The following LPP variants were observed in gnomAD, a reference collection of about 807,000 sequenced individuals.
LPP encodes lipoma-preferred partner.
A neutral mutation model predicts 60.4 loss-of-function variants in LPP; 38 were observed. The ratio of observed to expected loss-of-function variants is 0.63; its 90% CI spans 0.49 to 0.83. LPP has a LOEUF of 0.83. LPP is among the 40% of genes least tolerant of loss of function. The pLI is 0.00. For synonymous variants in LPP, 328 were observed against 290.8 expected, an observed-to-expected ratio of 1.13 and a Z score of -1.30; for missense variants, 902 against 783.6, an observed-to-expected ratio of 1.15 and a Z score of -1.80.
Position 188,651,614 on chromosome 3 carries a change from C to G in LPP, c.1113+41770C>G, listed in dbSNP as rs551491422. On this transcript the variant is annotated intron_variant, in intron 7 of 11. Coordinates refer to ENST00000617246, the MANE Select transcript of LPP (RefSeq NM_001375462.1). ...TGGTTCCACATGGCTGGGGAGGTCTCACAGTCATGGCAGAAGGTGAAAAGC... is the reference window on the plus strand; with the variant it reads ...TGGTTCCACATGGCTGGGGAGGTCTGACAGTCATGGCAGAAGGTGAAAAGC... Among the ~76,000 whole-genome samples, 243 of 152,276 alleles carry G rather than the reference C, an allele frequency of 1.6e-3. 1 individual carries two copies. Among genetic ancestry groups the G allele is most frequent in the African/African-American group, 5.6e-3 (232 of 41,556 alleles).
Position 188,878,107 on chromosome 3 carries a change from A to T in LPP, c.*3628A>T. 1 of 221,330 alleles carries T rather than the reference A, an allele frequency of 4.5e-6. No individual in the cohort carries two copies. The highest frequency in any genetic ancestry group is 9.1e-6 in the Non-Finnish European group (1 of 110,310). 13.7% of individuals were successfully genotyped at this position (221,330 alleles called of 1,614,324 possible). A position where few individuals can be genotyped will look rare whatever the true frequency, so the allele number is the denominator to read the frequency against. On this transcript the variant is annotated 3_prime_UTR_variant, in exon 12 of 12. Coordinates refer to ENST00000617246, the MANE Select transcript of LPP (RefSeq NM_001375462.1). Reference sequence around the variant, plus strand: ...ATAGTAGAGAGTTAGTGGAATATAGACAGGACTCTGAAAACACAACTTCCA... The same window carrying T: ...ATAGTAGAGAGTTAGTGGAATATAGTCAGGACTCTGAAAACACAACTTCCA...
chr3:188,242,218 C>G (rs2149478479), intron 2 of LPP, among the ~76,000 whole-genome samples: 1 of 152,258 alleles, frequency 6.6e-6, no homozygotes, highest in South Asian at 2.1e-4. Flanking sequence ...TTTAGCATGG[C>G]TAATGGCTAA....
intron 2 of LPP, among the ~76,000 whole-genome samples, chr3:188,288,612 A>T (rs897987409): frequency 2.0e-4 from 30 of 151,642 alleles, no homozygotes; most frequent in African/African-American, 6.8e-4. Flanking sequence ...AGATCTGTGT[A>T]TCTACACCTG....
rs1769716089 is a variant in LPP at position 188,879,803 on chromosome 3, T to C, written c.*5324T>C. The C allele has an allele frequency of 5.5e-6, 1 of 180,840 alleles. No individual in the cohort carries two copies. The highest frequency in any genetic ancestry group is 1.2e-5 in the Non-Finnish European group (1 of 84,550). 11.2% of individuals were successfully genotyped at this position (180,840 alleles called of 1,614,324 possible). Reference sequence around the variant, plus strand: ...AGCCTGTAAGACTAATAATATATTGTAATAGTTGATACTAAAATATTTTTC... The same window carrying C: ...AGCCTGTAAGACTAATAATATATTGCAATAGTTGATACTAAAATATTTTTC... On this transcript the variant is annotated 3_prime_UTR_variant, in exon 12 of 12. Coordinates refer to ENST00000617246, the MANE Select transcript of LPP (RefSeq NM_001375462.1).
At chr3:188,472,186 T>A (rs536216124) in intron 4 of LPP, among the ~76,000 whole-genome samples, 53 of 152,320 alleles carry the variant, frequency 3.5e-4, no homozygotes, top group South Asian at 6.2e-4. Flanking sequence ...ATTGGCCCTT[T>A]TAATTAGAGT....
chr3:188,232,438 A>T (rs1720356781), intron 2 of LPP, among the ~76,000 whole-genome samples: 1 of 151,544 alleles, frequency 6.6e-6, no homozygotes, highest in Admixed American at 6.6e-5. Flanking sequence ...TCCAAGGTTC[A>T]AGCGATTCTC....
At chr3:188,304,978 A>C (rs1751055497) in intron 2 of LPP, among the ~76,000 whole-genome samples, 1 of 152,220 alleles carries the variant, frequency 6.6e-6, no homozygotes. Context: ...GACCACTTAA[A>C]ATAAAGATAA....
chr3:188,790,189 A>C (rs1352193104), intron 9 of LPP, among the ~76,000 whole-genome samples: 4 of 152,222 alleles, frequency 2.6e-5, no homozygotes, highest in African/African-American at 9.6e-5. Flanking sequence ...CATGGAGGCT[A>C]TCAGAAAAAT....
chr3:188,489,042 A>G (rs1807518167), intron 5 of LPP, among the ~76,000 whole-genome samples: 1 of 152,254 alleles, frequency 6.6e-6, no homozygotes, highest in African/African-American at 2.4e-5. Context: ...AGGTAGTTAC[A>G]AAGAAGTCAC....
At chr3:188,848,867 G>C (rs1333395369) in intron 9 of LPP, among the ~76,000 whole-genome samples, 1 of 151,958 alleles carries the variant, frequency 6.6e-6, no homozygotes, top group African/African-American at 2.4e-5. Context: ...TCGGGAGGCT[G>C]AGGCAGGAGA....
At chr3:188,636,361 C>T (rs570047202) in intron 7 of LPP, among the ~76,000 whole-genome samples, 19 of 152,324 alleles carry the variant, frequency 1.2e-4, no homozygotes, top group South Asian at 1.2e-3. Context: ...GCTTAAAAAA[C>T]GGTGCACCAC....
rs994802448 is a variant in LPP, at chr3:188,559,911, A to G, written c.429+35124A>G. Among the ~76,000 whole-genome samples the G allele has an allele frequency of 3.3e-5, 5 of 152,036 alleles. No individual in the cohort carries two copies. The South Asian group carries it at 6.2e-4, about 19-fold the overall frequency. On this transcript the variant is annotated intron_variant, in intron 6 of 11. Transcript: ENST00000617246. ...CACATAGCAGCTTTCCTGACCTCCT[A>G]CTTCCAGGACCTCAGACCCCTCTGT...
intron 7 of LPP, among the ~76,000 whole-genome samples, chr3:188,677,488 A>G (rs1418095896): frequency 1.3e-5 from 2 of 152,150 alleles, no homozygotes; most frequent in African/African-American, 4.8e-5. Flanking sequence ...CTGTATATGG[A>G]AGTTGAATAA....
chr3:188,281,957 G>A (rs1045610484), intron 2 of LPP, among the ~76,000 whole-genome samples: 2 of 152,106 alleles, frequency 1.3e-5, no homozygotes, highest in African/African-American at 2.4e-5. Context: ...TATAGGCAGA[G>A]GGATAACTGT....
At chr3:188,318,422 A>AC (rs563483837) in intron 2 of LPP, among the ~76,000 whole-genome samples, 20,987 of 151,608 alleles carry the variant, frequency 0.14, 1,741 homozygotes, top group East Asian at 0.34. Flanking sequence ...AAAAAACAAA[A>AC]AAAAAAAAGA....
intron 7 of LPP, among the ~76,000 whole-genome samples, chr3:188,674,041 G>A (rs1399819258): frequency 6.6e-6 from 1 of 151,766 alleles, no homozygotes; most frequent in Admixed American, 6.6e-5. Flanking sequence ...CTGTTGTTGG[G>A]CATGTCATAA....
chr3:188,317,651 T>G (rs1022217207), intron 2 of LPP, among the ~76,000 whole-genome samples: 1 of 152,198 alleles, frequency 6.6e-6, no homozygotes, highest in Non-Finnish European at 1.5e-5. Context: ...TTATATTTAG[T>G]GTAGTGCAAC....
At chr3:188,291,886 C>G (rs1746112601) in intron 2 of LPP, among the ~76,000 whole-genome samples, 1 of 152,084 alleles carries the variant, frequency 6.6e-6, no homozygotes, top group Non-Finnish European at 1.5e-5. Flanking sequence ...ACATTTGACT[C>G]TAGGGTGCTT....
At chr3:188,801,586 G>A (rs1485693246) in intron 9 of LPP, among the ~76,000 whole-genome samples, 2 of 152,168 alleles carry the variant, frequency 1.3e-5, no homozygotes, top group African/African-American at 2.4e-5. Context: ...ACTGGGCCAA[G>A]CTTTTAATTC....
Sources: allele counts gnomAD v4.1 joint callset (sites outside exome capture counted in the v4.1 genomes callset), GRCh38; gene constraint gnomAD v4.1.1; transcripts MANE v1.5; gene names NCBI Gene and HGNC (gene_info 2026-07-23, HGNC 2026-07-21).